Variants in ERICH1 observed in about 807,000 individuals in gnomAD.
ERICH1 encodes glutamate-rich protein 1.
In ERICH1, 56 loss-of-function variants were observed where a neutral mutation model predicts 39.6. That is an observed-to-expected ratio of 1.41 (90% confidence interval 1.14 to 1.77). The LOEUF is 1.77. ERICH1 is among the 40% of genes most tolerant of loss of function. The pLI, the probability that ERICH1 is intolerant of heterozygous loss-of-function variation, is 0.00. For missense variants in ERICH1, 826 were observed against 575.4 expected (o/e 1.44, Z -4.45); for synonymous variants, 313 against 223.6 (o/e 1.40, Z -3.57).
At position 702,798 on chromosome 8, in the gene ERICH1, C is replaced by T. The variant is rs371524547; in HGVS notation, c.170-10186G>A. Among the ~76,000 whole-genome samples, 180 of 152,294 alleles carry T rather than the reference C, an allele frequency of 1.2e-3. 1 individual carries two copies. The highest frequency in any genetic ancestry group is 3.5e-3 in the African/African-American group (146 of 41,566). On this transcript the variant is annotated intron_variant, in intron 2 of 5. Transcript: ENST00000262109. Reference sequence around the variant, plus strand: ...CGGCCAGCACAGCCTTGGTGATGGACGCAGAGGGGCAGGGCGGAAGCCAGA... The same window carrying T: ...CGGCCAGCACAGCCTTGGTGATGGATGCAGAGGGGCAGGGCGGAAGCCAGA...
intron 3 of ERICH1, among the ~76,000 whole-genome samples, chr8:657,602 C>A (rs1389108033): frequency 6.7e-6 from 1 of 150,068 alleles, no homozygotes; most frequent in Non-Finnish European, 1.5e-5. Context: ...TAGTATGGGT[C>A]TCTGTGGGGA....
chr8:688,179 G>C (rs559305630), intron 3 of ERICH1, among the ~76,000 whole-genome samples: 110 of 150,192 alleles, frequency 7.3e-4, no homozygotes, highest in South Asian at 2.5e-3. Context: ...TGGCGAGCCG[G>C]GGCGCAGGAC....
At chr8:633,980 G>T (rs1348331899) in intron 3 of ERICH1, among the ~76,000 whole-genome samples, 1 of 152,192 alleles carries the variant, frequency 6.6e-6, no homozygotes, top group Non-Finnish European at 1.5e-5. Context: ...GTGACTTCTT[G>T]AAGGTGACAC....
chr8:650,359 T>C (rs2117307170), intron 3 of ERICH1, among the ~76,000 whole-genome samples: 1 of 152,340 alleles, frequency 6.6e-6, no homozygotes, highest in Admixed American at 6.5e-5. Context: ...CAGAACGGGC[T>C]TTCCTTTTTC....
At chr8:728,894 T>A (rs1819394606) in intron 1 of ERICH1, among the ~76,000 whole-genome samples, 1 of 151,998 alleles carries the variant, frequency 6.6e-6, no homozygotes, top group Non-Finnish European at 1.5e-5. Flanking sequence ...TAGCAGATTA[T>A]ATTGCCTAGC....
chr8:651,880 G>C (rs938196784), intron 3 of ERICH1, among the ~76,000 whole-genome samples: 10 of 152,216 alleles, frequency 6.6e-5, no homozygotes, highest in Non-Finnish European at 1.5e-4. Flanking sequence ...TTAAGAGAAA[G>C]TGTGTTTCAT....
At chr8:721,693 T>C (rs765085474) in intron 1 of ERICH1, among the ~76,000 whole-genome samples, 2 of 152,210 alleles carry the variant, frequency 1.3e-5, no homozygotes, top group Non-Finnish European at 2.9e-5. Context: ...CACGATTCTG[T>C]AAACACAGCC....
intron 3 of ERICH1, among the ~76,000 whole-genome samples, chr8:658,713 G>C (rs943186040): frequency 6.6e-6 from 1 of 152,106 alleles, no homozygotes; most frequent in African/African-American, 2.4e-5. Flanking sequence ...GATGCCCCTG[G>C]TACAAACAAA....
intron 3 of ERICH1, among the ~76,000 whole-genome samples, chr8:688,108 G>A (rs757601575): frequency 1.3e-5 from 2 of 152,194 alleles, no homozygotes; most frequent in Admixed American, 6.5e-5. Flanking sequence ...GCAAAAACAC[G>A]GGAGACAGGA....
rs759587568 is a variant in ERICH1, at chr8:673,578, C to T, written c.774G>A (p.Pro258=). 13 of 1,550,902 alleles carry T rather than the reference C, an allele frequency of 8.4e-6. No individual in the cohort carries two copies. Among genetic ancestry groups the T allele is most frequent in the African/African-American group, 2.7e-5 (2 of 73,872 alleles). Residue 258 remains proline, a synonymous_variant, in exon 4 of 6, where the codon CCG becomes CCA. Transcript: ENST00000262109. ...TAACGTCTTCCTCCCCGGCCGGTGT[C>T]GGATCTTCCTCACTGGCGTCCGCAC... The part of the protein sequence containing the change: ...EEGADASEED[P]TPAGEEDVKD...
chr8:716,380 G>A (rs1411975298), intron 1 of ERICH1, among the ~76,000 whole-genome samples: 1 of 152,270 alleles, frequency 6.6e-6, no homozygotes, highest in Non-Finnish European at 1.5e-5. Flanking sequence ...GGGGGCTGTG[G>A]TCCTGGGTGG....
intron 3 of ERICH1, among the ~76,000 whole-genome samples, chr8:655,087 G>A (rs147630236): frequency 5.0e-4 from 76 of 152,298 alleles, no homozygotes; most frequent in African/African-American, 1.2e-3. Context: ...AACCAACCCC[G>A]AGTGGTCTCT....
At chr8:630,426 C>A (rs1341973134) in intron 3 of ERICH1, among the ~76,000 whole-genome samples, 2 of 135,124 alleles carry the variant, frequency 1.5e-5, no homozygotes, top group Non-Finnish European at 3.2e-5. Flanking sequence ...TGACCACCCA[C>A]ACAGACAGAG....
At chr8:691,621 A>C (rs73670390) in intron 3 of ERICH1, among the ~76,000 whole-genome samples, 5,865 of 152,262 alleles carry the variant, frequency 0.039, 373 homozygotes, top group African/African-American at 0.13. Context: ...TCTATCTAAT[A>C]ATTGTGTTTC....
intron 3 of ERICH1, among the ~76,000 whole-genome samples, chr8:679,465 C>A (rs944427767): frequency 2.6e-5 from 4 of 151,626 alleles, no homozygotes; most frequent in Non-Finnish European, 5.9e-5. Flanking sequence ...ACAGCACCCA[C>A]CCCTCGCAGC....
intron 3 of ERICH1, among the ~76,000 whole-genome samples, chr8:634,277 A>G (rs1054725469): frequency 2.0e-5 from 3 of 152,300 alleles, no homozygotes; most frequent in South Asian, 2.1e-4. Context: ...TAAATCCACG[A>G]AGCGGTGCTC....
chr8:673,286 T>C lies in ERICH1; in HGVS notation c.1063+3A>G. ...TGCAAGAGAAAAACAGTAAAAAACA[T>C]ACCGTCATAAAAATACATTTCCTGT... On this transcript the variant is annotated splice_donor_region_variant and intron_variant, in intron 4 of 5. Coordinates refer to ENST00000262109, the MANE Select transcript of ERICH1 (RefSeq NM_207332.3). 1.3e-6 allele frequency: 2 copies of C among 1,595,260 alleles called. No homozygotes were observed. The highest frequency in any genetic ancestry group is 2.2e-5 in the East Asian group (1 of 44,502).
Position 673,424 on chromosome 8 carries a change from C to A in ERICH1, c.928G>T (p.Gly310Trp). The change falls in exon 4 of 6, where the codon GGG becomes TGG. Residue 310 changes from glycine (G) to tryptophan (W), a missense_variant. By Grantham distance (184) the Gly-to-Trp change is radical (BLOSUM62 -2). Coordinates refer to ENST00000262109, the MANE Select transcript of ERICH1 (RefSeq NM_207332.3). Reference sequence around the variant, plus strand: ...CCGGAGTCTGCACCCTCTTCCTCCCCAGCCCATGTCGGGTCTTCCTCGCTG... The same window carrying A: ...CCGGAGTCTGCACCCTCTTCCTCCCAAGCCCATGTCGGGTCTTCCTCGCTG... Reference protein sequence around the residue: ...DASEEDPTWAGEEEGADSGEE... With the variant: ...DASEEDPTWAWEEEGADSGEE... 6.2e-7 allele frequency: 1 copy of A among 1,613,766 alleles called. No individual in the cohort carries two copies. Among genetic ancestry groups the A allele is most frequent in the Non-Finnish European group, 8.5e-7 (1 of 1,179,904 alleles).
intron 2 of ERICH1, among the ~76,000 whole-genome samples, chr8:704,648 C>T (rs1023547988): frequency 5.9e-5 from 9 of 151,580 alleles, no homozygotes; most frequent in Admixed American, 1.3e-4. Context: ...ATTGGAAGGA[C>T]GGGGGTTGTA....
Sources: allele counts gnomAD v4.1 joint callset (sites outside exome capture counted in the v4.1 genomes callset), GRCh38; gene constraint gnomAD v4.1.1; transcripts MANE v1.5; gene names NCBI Gene and HGNC (gene_info 2026-07-23, HGNC 2026-07-21).